Variants in NUDCD1 observed in about 807,000 individuals in gnomAD.
The protein encoded by NUDCD1 is nudC domain-containing protein 1.
In NUDCD1, 60 loss-of-function variants were observed where a neutral mutation model predicts 67.8. The observed-to-expected ratio is 0.88, with a 90% CI of 0.72 to 1.10. The LOEUF is 1.10. Among genes scored for constraint, NUDCD1 ranks in the 50% least tolerant of loss-of-function variants. The probability of loss-of-function intolerance (pLI) is 0.00; values close to 1 mark genes in which losing one functional copy is unlikely to be tolerated. For synonymous variants in NUDCD1, 244 were observed against 230.8 expected (o/e 1.06, Z -0.52); for missense variants, 643 against 695.0 (o/e 0.93, Z 0.84).
In NUDCD1 at chr8:109,242,955, T is replaced by C; in HGVS notation, c.*54A>G. On this transcript the variant is annotated 3_prime_UTR_variant, in exon 10 of 10. Transcript: ENST00000239690. ...AGGTTACAGTATAACTGTCCAGACCTCCAGGTACCACTGAATACTTTTCCA... is the reference window on the plus strand; with the variant it reads ...AGGTTACAGTATAACTGTCCAGACCCCCAGGTACCACTGAATACTTTTCCA... The C allele has an allele frequency of 8.3e-7, 1 of 1,207,168 alleles. No individual in the cohort carries two copies. The highest frequency in any genetic ancestry group is 1.2e-6 in the Non-Finnish European group (1 of 835,418). The allele number at this position is 1,207,168 out of a possible 1,614,324, so 74.8% of individuals were successfully genotyped here.
chr8:109,295,916 G>A (rs1019627510), intron 3 of NUDCD1, among the ~76,000 whole-genome samples: 4 of 151,988 alleles, frequency 2.6e-5, no homozygotes, highest in African/African-American at 9.7e-5. Context: ...TAAAAATGTT[G>A]TCTTGGAAAT....
intron 1 of NUDCD1, among the ~76,000 whole-genome samples, chr8:109,326,895 C>T (rs192875869): frequency 2.0e-4 from 30 of 152,286 alleles, no homozygotes; most frequent in Admixed American, 1.6e-3. Flanking sequence ...ATAGTGCTAA[C>T]GATGATATTC....
rs1206306598 is a variant in NUDCD1, at chr8:109,270,095, G to T, written c.1299+910C>A. 5.5e-4 allele frequency among the ~76,000 whole-genome samples: 75 copies of T among 136,324 alleles called. 5 individuals are homozygous for T. The highest frequency in any genetic ancestry group is 1.7e-3 in the African/African-American group (59 of 35,130). The allele number at this position is 136,324 out of a possible 152,430, so 89.4% of individuals were successfully genotyped here. ...GGGGGGGGGGGGGTGCCTTAAGGTG[G>T]GGTGTGAAATATATGCATATATGGC... On this transcript the variant is annotated intron_variant, in intron 8 of 9. Transcript: ENST00000239690.
chr8:109,329,888 G>T, intron 1 of NUDCD1: 1 of 1,544,222 alleles, frequency 6.5e-7, no homozygotes, highest in Non-Finnish European at 8.7e-7. Flanking sequence ...TCTTAGCAAA[G>T]AAAACATACT....
chr8:109,284,226 A>G (rs1346273756), intron 5 of NUDCD1, among the ~76,000 whole-genome samples: 1 of 152,178 alleles, frequency 6.6e-6, no homozygotes, highest in Admixed American at 6.5e-5. Context: ...GTTCAATTCA[A>G]TGAGAAGACT....
chr8:109,258,175 G>A (rs886627189), intron 8 of NUDCD1, among the ~76,000 whole-genome samples: 5 of 152,006 alleles, frequency 3.3e-5, no homozygotes, highest in African/African-American at 1.2e-4. Flanking sequence ...TTCATATGCA[G>A]CCCATCTGTA....
intron 1 of NUDCD1, among the ~76,000 whole-genome samples, chr8:109,325,255 G>C (rs780470495): frequency 3.0e-4 from 46 of 152,066 alleles, no homozygotes; most frequent in Non-Finnish European, 5.4e-4. Flanking sequence ...ACAATTAAAA[G>C]GATTAAGTTC....
In NUDCD1 at chr8:109,297,623, T is replaced by G. The variant is rs149774353; in HGVS notation, c.274-1054A>C. Among the ~76,000 whole-genome samples, 1,087 of 152,278 alleles carry G rather than the reference T, an allele frequency of 7.1e-3. 4 individuals carry two copies. Among genetic ancestry groups the G allele is most frequent in the Non-Finnish European group, 9.9e-3 (676 of 68,036 alleles). ...ATCTTAGAAGCAGAGACTGAACCCT[T>G]ACCAGACACCAAACCTGCCAGTACC... On this transcript the variant is annotated intron_variant, in intron 2 of 9. Coordinates refer to ENST00000239690, the MANE Select transcript of NUDCD1 (RefSeq NM_032869.4).
Position 109,242,993 on chromosome 8 carries a change from C to G in NUDCD1, c.*16G>C. 3.9e-6 allele frequency: 6 copies of G among 1,529,208 alleles called. No individual in the cohort carries two copies. The highest frequency in any genetic ancestry group is 5.4e-6 in the Non-Finnish European group (6 of 1,109,888). 94.7% of individuals were successfully genotyped at this position (1,529,208 alleles called of 1,614,324 possible). The stretch of plus-strand genomic sequence containing the variant: ...GAATACTTTTCCAGTACAAAGAGGC[C>G]AATATGTTAGAATAATTAATTCTCT... On this transcript the variant is annotated 3_prime_UTR_variant, in exon 10 of 10. Transcript: ENST00000239690.
rs887108973 is a variant in NUDCD1, at chr8:109,240,982, C to A, written c.*2027G>T. On this transcript the variant is annotated 3_prime_UTR_variant, in exon 10 of 10. Transcript: ENST00000239690. ...ATATTTTATAAATTCCTATTTAAAA[C>A]ATGATAAAAATCAACAAAAATACAA... 6.6e-6 allele frequency: 1 copy of A among 152,048 alleles called. No homozygotes were observed. The highest frequency in any genetic ancestry group is 2.1e-4 in the South Asian group (1 of 4,826). 9.4% of individuals were successfully genotyped at this position (152,048 alleles called of 1,614,324 possible).
Position 109,280,881 on chromosome 8 carries a change from T to C in NUDCD1, c.1028+87A>G, listed in dbSNP as rs1175482112. ...CAGCAATACAGACAGAACTATTGTA[T>C]TAATCTCTGATGTAACCACTGTGGA... is the stretch of plus-strand genomic sequence containing the variant. On this transcript the variant is annotated intron_variant, in intron 6 of 9. Transcript: ENST00000239690. 6.7e-6 allele frequency: 4 copies of C among 598,982 alleles called. No homozygotes were observed. The Admixed American group carries it at 1.2e-4, about 18-fold the overall frequency. 37.1% of individuals were successfully genotyped at this position (598,982 alleles called of 1,614,324 possible). A position where few individuals can be genotyped will look rare whatever the true frequency, so the allele number is the denominator to read the frequency against.
At chr8:109,328,705 G>A (rs113008519) in intron 1 of NUDCD1, among the ~76,000 whole-genome samples, 5 of 152,174 alleles carry the variant, frequency 3.3e-5, no homozygotes, top group South Asian at 2.1e-4. Flanking sequence ...GCTCCTGATC[G>A]GACTAACAAA....
At chr8:109,325,759 A>G (rs986713292) in intron 1 of NUDCD1, among the ~76,000 whole-genome samples, 40 of 152,244 alleles carry the variant, frequency 2.6e-4, no homozygotes, top group African/African-American at 8.0e-4. Context: ...GAATTCATTA[A>G]CAGTTTTTAA....
intron 8 of NUDCD1, among the ~76,000 whole-genome samples, chr8:109,250,906 T>C (rs1813607967): frequency 6.6e-6 from 1 of 152,206 alleles, no homozygotes. Flanking sequence ...TCTGTATTCA[T>C]GGAGGATACT....
At chr8:109,306,918 C>A (rs1487126878) in intron 2 of NUDCD1, among the ~76,000 whole-genome samples, 2 of 152,106 alleles carry the variant, frequency 1.3e-5, no homozygotes, top group Admixed American at 1.3e-4. Flanking sequence ...CCTCTCGAAG[C>A]AGCCCTGAGA....
At position 109,270,076 on chromosome 8, in the gene NUDCD1, G is replaced by GGC. The variant is rs1554612910; in HGVS notation, c.1299+928_1299+929insGC. On this transcript the variant is annotated intron_variant, in intron 8 of 9. Coordinates refer to ENST00000239690, the MANE Select transcript of NUDCD1 (RefSeq NM_032869.4). ...TTTGAGGTGGCGGGGGCGGGGGGGG[G>GGC]GGGGGGTGCCTTAAGGTGGGGTGTG... Among the ~76,000 whole-genome samples the GGC allele has an allele frequency of 4.9e-5, 4 of 81,818 alleles. 1 individual carries two copies. Among genetic ancestry groups the GGC allele is most frequent in the Non-Finnish European group, 1.0e-4 (4 of 38,594 alleles). 53.7% of individuals were successfully genotyped at this position (81,818 alleles called of 152,430 possible).
chr8:109,243,316 A>G lies in NUDCD1; in HGVS notation c.1460-15T>C. The G allele has an allele frequency of 1.3e-6, 2 of 1,541,574 alleles. No individual in the cohort carries two copies. The highest frequency in any genetic ancestry group is 8.8e-7 in the Non-Finnish European group (1 of 1,141,602). On this transcript the variant is annotated splice_polypyrimidine_tract_variant and intron_variant, in intron 9 of 9. Transcript: ENST00000239690. ...TTGGACATAGCCTGCCAAGAATATG[A>G]GACAAACAAAAGAAAAACTATATAT... is the stretch of plus-strand genomic sequence containing the variant.
rs1815883102 is a variant in NUDCD1, at chr8:109,333,938, G to A, written c.73C>T (p.Leu25Phe). 6.2e-7 allele frequency: 1 copy of A among 1,614,068 alleles called. No individual in the cohort carries two copies. Among genetic ancestry groups the A allele is most frequent in the South Asian group, 1.1e-5 (1 of 91,090 alleles). ...LLDPRFEGYK[L>F]SLEPLPCYQL... ...TAACAAGGCAGCGGCTCAAGAGAGA[G>A]CTTGTAACCCTCGAAGCGGGGATCC... The change falls in exon 1 of 10, where the codon CTC (leucine) becomes TTC (phenylalanine). Residue 25 changes from leucine to phenylalanine, a missense_variant. Leu to Phe is a conservative substitution (Grantham distance 22). Transcript: ENST00000239690.
At chr8:109,294,456 G>C (rs1814791222) in intron 3 of NUDCD1, among the ~76,000 whole-genome samples, 1 of 151,418 alleles carries the variant, frequency 6.6e-6, no homozygotes, top group African/African-American at 2.4e-5. Flanking sequence ...ATTCAAAACA[G>C]AGATGACAGA....
Sources: gnomAD v4.1 joint callset for allele counts (sites outside exome capture counted in the v4.1 genomes callset) on GRCh38, gnomAD v4.1.1 for gene constraint, MANE v1.5 for transcripts, NCBI Gene and HGNC (gene_info 2026-07-23, HGNC 2026-07-21) for gene names.